The following PLXNA4 variants were observed in gnomAD, a reference collection of about 807,000 sequenced individuals.
PLXNA4 encodes plexin A4, also known as plexin-A4.
Under a neutral mutation model 191.8 loss-of-function variants are expected in PLXNA4, and 44 were observed. That is an observed-to-expected ratio of 0.23 (90% confidence interval 0.18 to 0.29). The LOEUF is 0.29. Ranked by LOEUF, PLXNA4 falls within the 10% of genes least tolerant of loss-of-function variation. The probability of loss-of-function intolerance (pLI) is 1.00; values close to 1 mark genes in which losing one functional copy is unlikely to be tolerated. For synonymous variants in PLXNA4, 1,082 were observed against 1,009.5 expected, an observed-to-expected ratio of 1.07 and a Z score of -1.36; for missense variants, 1,800 against 2,488.8, an observed-to-expected ratio of 0.72 and a Z score of 5.89.
At chr7:132,169,131 G>A (rs1191181999) in intron 21 of PLXNA4, among the ~76,000 whole-genome samples, 3 of 152,162 alleles carry the variant, frequency 2.0e-5, no homozygotes, top group South Asian at 2.1e-4. Context: ...CTTCTCTGGG[G>A]GCCCAAGTTT....
chr7:132,530,141 C>T (rs1430263443), intron 1 of PLXNA4, among the ~76,000 whole-genome samples: 1 of 152,082 alleles, frequency 6.6e-6, no homozygotes, highest in Non-Finnish European at 1.5e-5. Context: ...AGAGAGGAAG[C>T]ACAGGAGGAA....
intron 3 of PLXNA4, among the ~76,000 whole-genome samples, chr7:132,310,971 C>G (rs1419069172): frequency 1.1e-4 from 16 of 152,328 alleles, no homozygotes; most frequent in Non-Finnish European, 2.2e-4. Flanking sequence ...ATTCACTCCT[C>G]ATCCCCTTGG....
intron 2 of PLXNA4, among the ~76,000 whole-genome samples, chr7:132,629,463 C>A (rs1323482609): frequency 1.3e-5 from 2 of 152,142 alleles, no homozygotes; most frequent in Non-Finnish European, 2.9e-5. Flanking sequence ...AAAACTGATG[C>A]CTAGACCCTC....
At chr7:132,393,655 C>G (rs1019715811) in intron 3 of PLXNA4, among the ~76,000 whole-genome samples, 4 of 152,216 alleles carry the variant, frequency 2.6e-5, no homozygotes, top group African/African-American at 7.2e-5. Context: ...TCTCTAGAAA[C>G]TCCTAGGCTA....
At chr7:132,438,737 A>G (rs1795572242) in intron 3 of PLXNA4, among the ~76,000 whole-genome samples, 1 of 152,188 alleles carries the variant, frequency 6.6e-6, no homozygotes, top group Non-Finnish European at 1.5e-5. Flanking sequence ...TAAAAATTAC[A>G]GCTCTGTGGA....
At chr7:132,539,304 A>C (rs1563159852) in intron 1 of PLXNA4, among the ~76,000 whole-genome samples, 1 of 151,980 alleles carries the variant, frequency 6.6e-6, no homozygotes. Flanking sequence ...AGAGGGACAG[A>C]CCCTCCACCT....
chr7:132,556,794 T>C (rs961516157), intron 1 of PLXNA4, among the ~76,000 whole-genome samples: 6 of 152,196 alleles, frequency 3.9e-5, no homozygotes, highest in African/African-American at 1.2e-4. Flanking sequence ...ATTTATCAAA[T>C]TTGCAACGGA....
rs1554445303 is a variant in PLXNA4, at chr7:132,125,618, G to GA, written c.*4860_*4861insT. 6.6e-6 allele frequency: 1 copy of GA among 151,502 alleles called. No individual in the cohort carries two copies. Among genetic ancestry groups the GA allele is most frequent in the African/African-American group, 2.4e-5 (1 of 41,234 alleles). The allele number at this position is 151,502 out of a possible 1,614,324, so 9.4% of individuals were successfully genotyped here. A position where few individuals can be genotyped will look rare whatever the true frequency, so the allele number is the denominator to read the frequency against. ...ATGGCCCACAGTTTTGTTTTGTTTT[G>GA]TTTTTTTTAAAGGAAGAGGCTGAGG... is the stretch of plus-strand genomic sequence containing the variant. On this transcript the variant is annotated 3_prime_UTR_variant, in exon 32 of 32. Coordinates refer to ENST00000321063, the MANE Select transcript of PLXNA4 (RefSeq NM_020911.2).
chr7:132,612,535 A>G (rs1216268250), intron 2 of PLXNA4, among the ~76,000 whole-genome samples: 1 of 151,956 alleles, frequency 6.6e-6, no homozygotes, highest in East Asian at 1.9e-4. Flanking sequence ...GTGGTGGTGC[A>G]CAACTGTAAT....
chr7:132,351,404 T>C lies in PLXNA4; in HGVS notation c.1372-53182A>G, dbSNP rs1279611511. Among the ~76,000 whole-genome samples the C allele has an allele frequency of 3.3e-5, 5 of 152,346 alleles. No homozygotes were observed. In the East Asian group the frequency reaches 9.6e-4, roughly 29 times the overall value. On this transcript the variant is annotated intron_variant, in intron 3 of 31. Transcript: ENST00000321063. The stretch of plus-strand genomic sequence containing the variant: ...ATCCTTTGTCCTTATAAAGAATTGA[T>C]TCAAAGTTCCATAAAGCGGATTCAG...
At chr7:132,528,943 C>T (rs928933476) in intron 1 of PLXNA4, among the ~76,000 whole-genome samples, 1 of 152,192 alleles carries the variant, frequency 6.6e-6, no homozygotes, top group Admixed American at 6.5e-5. Flanking sequence ...CAGCTGTGCT[C>T]GCTGATGATA....
chr7:132,187,703 T>C (rs544506584), intron 14 of PLXNA4, 96 bp from the exon 15 acceptor site: 126 of 1,470,408 alleles, frequency 8.6e-5, no homozygotes, highest in Non-Finnish European at 4.1e-5. Flanking sequence ...CCAAGCTGCC[T>C]TCTGGAATCT....
intron 2 of PLXNA4, among the ~76,000 whole-genome samples, chr7:132,498,332 C>T (rs557521245): frequency 6.6e-6 from 1 of 152,208 alleles, no homozygotes; most frequent in African/African-American, 2.4e-5. Context: ...GTTTGATGGA[C>T]TTACATTTCC....
chr7:132,340,563 A>C (rs1034856114), intron 3 of PLXNA4, among the ~76,000 whole-genome samples: 1 of 152,222 alleles, frequency 6.6e-6, no homozygotes, highest in Non-Finnish European at 1.5e-5. Flanking sequence ...TTCAATGGAG[A>C]GAAGCAGAAA....
rs77011512 is a variant in PLXNA4, at chr7:132,180,337, A to T, written c.3639+249T>A. Among the ~76,000 whole-genome samples the T allele has an allele frequency of 3.3e-5, 5 of 152,346 alleles. No homozygotes were observed. In the East Asian group the frequency reaches 9.6e-4, roughly 29 times the overall value. On this transcript the variant is annotated intron_variant, in intron 19 of 31. Coordinates refer to ENST00000321063, the MANE Select transcript of PLXNA4 (RefSeq NM_020911.2). The stretch of plus-strand genomic sequence containing the variant: ...TCTCCTTGAAGGCTTTGTTTGTTGC[A>T]GGTGATTTAGCAACTATTTAATGCT...
chr7:132,467,272 G>T (rs28411905), intron 3 of PLXNA4, among the ~76,000 whole-genome samples: 16,226 of 152,136 alleles, frequency 0.11, 1,224 homozygotes, highest in African/African-American at 0.22. Flanking sequence ...CTATATTGGG[G>T]GGTGAGTTTG....
Position 132,557,549 on chromosome 7 carries a change from T to TAAAA in PLXNA4, c.-87+18869_-87+18872dup, listed in dbSNP as rs113064440. 7.8e-3 allele frequency among the ~76,000 whole-genome samples: 1,160 copies of TAAAA among 148,226 alleles called. 16 individuals are homozygous for TAAAA. The highest frequency in any genetic ancestry group is 0.028 in the African/African-American group (1,115 of 40,470). On this transcript the variant is annotated intron_variant, in intron 1 of 31. Coordinates refer to ENST00000321063, the MANE Select transcript of PLXNA4 (RefSeq NM_020911.2). ...ATTTTCCTTTAATTTATCTTTTTTT[T>TAAAA]AAAAAAAAAAAAGTTTTCACCTTTG...
intron 3 of PLXNA4, among the ~76,000 whole-genome samples, chr7:132,351,868 A>G (rs73158810): frequency 0.036 from 5,531 of 152,268 alleles, 161 homozygotes; most frequent in Middle Eastern, 0.071. Flanking sequence ...TAAAGGAGAC[A>G]AAGAAAGAAA....
At chr7:132,393,946 G>A (rs1188715464) in intron 3 of PLXNA4, among the ~76,000 whole-genome samples, 1 of 151,740 alleles carries the variant, frequency 6.6e-6, no homozygotes, top group Non-Finnish European at 1.5e-5. Context: ...CAGGCACAGT[G>A]GTATTGAGAC....
Sources: gnomAD v4.1 joint callset for allele counts (sites outside exome capture counted in the v4.1 genomes callset) on GRCh38, gnomAD v4.1.1 for gene constraint, MANE v1.5 for transcripts, NCBI Gene and HGNC (gene_info 2026-07-23, HGNC 2026-07-21) for gene names.